Variants in ASS1 observed in about 807,000 individuals in gnomAD.
ASS1 encodes argininosuccinate synthase.
Under a neutral mutation model 60.5 loss-of-function variants are expected in ASS1, and 58 were observed. The observed-to-expected ratio is 0.96, with a 90% CI of 0.78 to 1.19. ASS1 has a LOEUF of 1.19. Among genes scored for constraint, ASS1 ranks in the 50% most tolerant of loss-of-function variants. The pLI, the probability that ASS1 is intolerant of heterozygous loss-of-function variation, is 0.00. For synonymous variants in ASS1, 200 were observed against 206.9 expected, an observed-to-expected ratio of 0.97 and a Z score of 0.29; for missense variants, 454 against 547.3, an observed-to-expected ratio of 0.83 and a Z score of 1.70.
chr9:130,479,664 C>T (rs1846116412), intron 9 of ASS1, 52 bp from the exon 10 acceptor site: 4 of 1,461,686 alleles, frequency 2.7e-6, no homozygotes, highest in Non-Finnish European at 3.8e-6. Flanking sequence ...CGGGTGCAGA[C>T]TCCTCCGCTG....
rs56186944 is a variant in ASS1 at position 130,489,729 on chromosome 9, G to A, written c.970+265G>A. Among the ~76,000 whole-genome samples, 1 of 152,176 alleles carries A rather than the reference G, an allele frequency of 6.6e-6. No homozygotes were observed. Among genetic ancestry groups the A allele is most frequent in the Non-Finnish European group, 1.5e-5 (1 of 68,016 alleles). ...CACCGGCTTCCCAAGGTGTCCGGCA[G>A]CTTCCACCCCCTACAGTTTGCATGA... On this transcript the variant is annotated intron_variant, in intron 12 of 14. Coordinates refer to ENST00000352480, the MANE Select transcript of ASS1 (RefSeq NM_054012.4). The surrounding 1 kb of genome is among the most constrained non-coding windows in gnomAD (Gnocchi z 4.1).
At chr9:130,484,667 G>A (rs1476203572) in intron 11 of ASS1, among the ~76,000 whole-genome samples, 5 of 151,860 alleles carry the variant, frequency 3.3e-5, no homozygotes, top group African/African-American at 9.7e-5. Flanking sequence ...TTTGTATGCC[G>A]ACTGTCAAAA....
chr9:130,489,534 G>A lies in ASS1; in HGVS notation c.970+70G>A, dbSNP rs770270036. 8.7e-6 allele frequency: 14 copies of A among 1,610,098 alleles called. No individual in the cohort carries two copies. The highest frequency in any genetic ancestry group is 5.0e-5 in the Admixed American group (3 of 59,968). On this transcript the variant is annotated intron_variant, in intron 12 of 14. Coordinates refer to ENST00000352480, the MANE Select transcript of ASS1 (RefSeq NM_054012.4). This position sits in a 1 kb window ranked among gnomAD's most constrained non-coding sequence, Gnocchi z 4.1. ...GATCCCAAAGTACTATCAGGCTCTC[G>A]GGCCTGGCCCTCCCCTCCGTATCAG...
chr9:130,452,736 TC>T (rs1177391947), intron 2 of ASS1, among the ~76,000 whole-genome samples: 1 of 152,122 alleles, frequency 6.6e-6, no homozygotes, highest in East Asian at 1.9e-4. Context: ...GATTGTGGAA[TC>T]CTGAGCTGGA....
intron 8 of ASS1, among the ~76,000 whole-genome samples, chr9:130,475,613 C>T (rs1030028675): frequency 2.0e-5 from 3 of 152,230 alleles, no homozygotes; most frequent in Admixed American, 6.5e-5. Context: ...GTTGTAGCTC[C>T]AGTCCCTCCC....
chr9:130,472,865 G>A (rs1337581180), intron 8 of ASS1, among the ~76,000 whole-genome samples: 1 of 152,188 alleles, frequency 6.6e-6, no homozygotes, highest in Non-Finnish European at 1.5e-5. Flanking sequence ...AACCACTCCC[G>A]GCCATTCTCC....
intron 1 of ASS1, chr9:130,451,835 A>G: frequency 2.1e-6 from 1 of 467,658 alleles, no homozygotes; most frequent in Non-Finnish European, 4.3e-6. Context: ...GTCAGCTGCC[A>G]GAGGCTCAGA....
intron 2 of ASS1, 106 bp downstream of exon 2, chr9:130,452,439 C>G: frequency 2.1e-6 from 2 of 963,118 alleles, no homozygotes; most frequent in Admixed American, 1.9e-5. Flanking sequence ...CTCACCGTCA[C>G]TCATTCAAGC....
At chr9:130,483,571 G>A (rs1187301245) in intron 11 of ASS1, among the ~76,000 whole-genome samples, 1 of 151,410 alleles carries the variant, frequency 6.6e-6, no homozygotes, top group Non-Finnish European at 1.5e-5. Flanking sequence ...AGGAGAAGGG[G>A]GGCAAGGCAG....
chr9:130,454,929 C>T (rs777810804), intron 3 of ASS1, among the ~76,000 whole-genome samples: 3 of 151,478 alleles, frequency 2.0e-5, no homozygotes. Context: ...ATCCATCCAT[C>T]CATTCATCCA....
At position 130,470,486 on chromosome 9, in the gene ASS1, C is replaced by T. The variant is rs996181912; in HGVS notation, c.496-348C>T. On this transcript the variant is annotated intron_variant, in intron 6 of 14. Coordinates refer to ENST00000352480, the MANE Select transcript of ASS1 (RefSeq NM_054012.4). This position sits in a 1 kb window ranked among gnomAD's most constrained non-coding sequence, Gnocchi z 4.3. ...GAGCGGGTTCACACAAGCCCCAGCT[C>T]GTAGGGTGGTGGCGGGGCTGGTTGG... Among the ~76,000 whole-genome samples, 2 of 152,194 alleles carry T rather than the reference C, an allele frequency of 1.3e-5. No homozygotes were observed. The highest frequency in any genetic ancestry group is 1.9e-4 in the East Asian group (1 of 5,182).
chr9:130,474,796 A>C (rs550648295), intron 8 of ASS1, among the ~76,000 whole-genome samples: 1 of 152,226 alleles, frequency 6.6e-6, no homozygotes, highest in Admixed American at 6.5e-5. Context: ...TGGCGGAAAG[A>C]GTCCCTGTGT....
intron 6 of ASS1, among the ~76,000 whole-genome samples, chr9:130,467,733 T>C (rs1845779066): frequency 6.6e-6 from 1 of 152,134 alleles, no homozygotes; most frequent in African/African-American, 2.4e-5. Context: ...GTTGGTGAGG[T>C]TTCTCCCCTG....
chr9:130,466,786 T>TG lies in ASS1; in HGVS notation c.484dup (p.Glu162GlyfsTer22), dbSNP rs1313340299. The TG allele has an allele frequency of 1.9e-6, 3 of 1,613,994 alleles. No individual in the cohort carries two copies. The highest frequency in any genetic ancestry group is 1.3e-5 in the African/African-American group (1 of 74,932). Reference sequence around the variant, plus strand: ...CGGTTCAAGGGCCGCAATGACCTGATGGAGTACGCAAAGGTATGGCCGAGT... The same window carrying TG: ...CGGTTCAAGGGCCGCAATGACCTGATGGGAGTACGCAAAGGTATGGCCGAGT... On this transcript the variant is annotated frameshift_variant, in exon 6 of 15. Transcript: ENST00000352480. LOFTEE classifies it high-confidence loss of function.
chr9:130,455,352 G>A (rs531105914), intron 3 of ASS1, among the ~76,000 whole-genome samples: 1 of 148,374 alleles, frequency 6.7e-6, no homozygotes, highest in African/African-American at 2.5e-5. Context: ...TCCCTCCACT[G>A]TCTATCCATC....
intron 12 of ASS1, among the ~76,000 whole-genome samples, chr9:130,492,284 G>A (rs1333175563): frequency 2.6e-5 from 4 of 152,208 alleles, no homozygotes; most frequent in African/African-American, 9.7e-5. Context: ...ACCAGGCTGA[G>A]GGCACGCCAG....
intron 1 of ASS1, 182 bp downstream of exon 1, chr9:130,445,177 A>G (rs1845165830): frequency 1.0e-6 from 1 of 984,886 alleles, no homozygotes; most frequent in African/African-American, 1.8e-5. Flanking sequence ...CCGATGCTCA[A>G]ACGCCTGGCA....
rs1846368809 is a variant in ASS1 at position 130,488,694 on chromosome 9, C to A, written c.839-639C>A. Among the ~76,000 whole-genome samples, 1 of 152,230 alleles carries A rather than the reference C, an allele frequency of 6.6e-6. No homozygotes were observed. The highest frequency in any genetic ancestry group is 2.4e-5 in the African/African-American group (1 of 41,452). On this transcript the variant is annotated intron_variant, in intron 11 of 14. Transcript: ENST00000352480. The surrounding 1 kb of genome is among the most constrained non-coding windows in gnomAD (Gnocchi z 5.2). The stretch of plus-strand genomic sequence containing the variant: ...CACGGCCAGGTGACTTACAGGGCAG[C>A]AGACAGCACTGGTGAGGGACTCGGG...
chr9:130,455,579 T>C (rs1311996819), intron 3 of ASS1, among the ~76,000 whole-genome samples: 2 of 152,248 alleles, frequency 1.3e-5, no homozygotes, highest in African/African-American at 4.8e-5. Context: ...GAACTCCAAT[T>C]GAGTCTGGTG....
Sources: gnomAD v4.1 joint callset for allele counts (sites outside exome capture counted in the v4.1 genomes callset) on GRCh38, gnomAD v4.1.1 for gene constraint, Gnocchi (gnomAD v3.1) non-coding constraint, MANE v1.5 for transcripts, NCBI Gene and HGNC (gene_info 2026-07-23, HGNC 2026-07-21) for gene names.